DCBLD2: variants seen among roughly 807,000 people sequenced by gnomAD.
DCBLD2 encodes the protein discoidin, CUB and LCCL domain containing 2.
Under a neutral mutation model 86.8 loss-of-function variants are expected in DCBLD2, and 54 were observed. That is an observed-to-expected ratio of 0.62 (90% CI 0.50 to 0.78). DCBLD2 has a LOEUF of 0.78. DCBLD2 is among the 30% of genes least tolerant of loss of function. DCBLD2 has a pLI of 0.00. For missense variants in DCBLD2, 908 were observed against 954.2 expected (o/e 0.95, Z 0.64); for synonymous variants, 354 against 341.3 (o/e 1.04, Z -0.41).
chr3:98,835,550 C>T (rs1340284722), intron 3 of DCBLD2, among the ~76,000 whole-genome samples: 9 of 149,778 alleles, frequency 6.0e-5, no homozygotes, highest in Non-Finnish European at 1.2e-4. Context: ...ATTTTTTTTT[C>T]TTCTTTTTTT....
intron 3 of DCBLD2, among the ~76,000 whole-genome samples, chr3:98,844,976 T>C (rs1164765912): frequency 6.6e-6 from 1 of 152,210 alleles, no homozygotes; most frequent in East Asian, 1.9e-4. Flanking sequence ...AAGGAAGTAT[T>C]TAGTGGCTGC....
chr3:98,813,784 T>C (rs1049313843), intron 9 of DCBLD2: 2 of 152,172 alleles, frequency 1.3e-5, no homozygotes, highest in Admixed American at 6.5e-5. Flanking sequence ...CAAATAATGA[T>C]AGTATCTTAC....
intron 3 of DCBLD2, among the ~76,000 whole-genome samples, chr3:98,831,655 T>C (rs1942325330): frequency 6.6e-6 from 1 of 152,266 alleles, no homozygotes; most frequent in African/African-American, 2.4e-5. Flanking sequence ...GTTGTATCTT[T>C]GTTCTCATTT....
chr3:98,867,465 T>G (rs2454684), intron 2 of DCBLD2, among the ~76,000 whole-genome samples: 2 of 152,088 alleles, frequency 1.3e-5, no homozygotes, highest in South Asian at 4.1e-4. Context: ...ATATGTACAA[T>G]TTTCATGTCA....
intron 2 of DCBLD2, among the ~76,000 whole-genome samples, chr3:98,880,446 A>T (rs1366379609): frequency 1.3e-5 from 2 of 152,228 alleles, no homozygotes. Context: ...CTTGCTTAAG[A>T]AAGGTACTGA....
chr3:98,817,509 G>A (rs1942043971), intron 9 of DCBLD2, among the ~76,000 whole-genome samples: 1 of 152,068 alleles, frequency 6.6e-6, no homozygotes, highest in Admixed American at 6.6e-5. Flanking sequence ...TCTTAATAAA[G>A]TGTCTAAACA....
intron 2 of DCBLD2, among the ~76,000 whole-genome samples, chr3:98,863,535 A>G (rs1350250817): frequency 1.3e-5 from 2 of 152,242 alleles, no homozygotes; most frequent in Non-Finnish European, 2.9e-5. Context: ...ATGGAACAGA[A>G]CAGAGCCCTC....
intron 2 of DCBLD2, among the ~76,000 whole-genome samples, chr3:98,862,660 A>G (rs1374746232): frequency 6.6e-6 from 1 of 152,224 alleles, no homozygotes; most frequent in African/African-American, 2.4e-5. Context: ...GGGTTTGACA[A>G]AATTCAACAG....
chr3:98,849,412 T>C (rs1942790217), intron 3 of DCBLD2, 49 bp downstream of exon 3: 2 of 1,611,098 alleles, frequency 1.2e-6, no homozygotes, highest in South Asian at 2.2e-5. Context: ...TTTATTTTTG[T>C]TGTTAGAAAT....
chr3:98,901,236 G>C lies in DCBLD2; in HGVS notation c.91C>G (p.Pro31Ala). ...AAAAPAWAAL[P>A]LSRSLPPCSN... is the part of the protein sequence containing the mutation. ...CAGGGAGGGAGGGAGCGGGAGAGGG[G>C]GAGCGCGGCCCAGGCGGGGGCGGCG... The change falls in exon 1 of 16, where the codon CCC becomes GCC. Residue 31 changes from proline (P) to alanine (A), a missense_variant. Physicochemically the swap from Pro to Ala is conservative, Grantham distance 27 (BLOSUM62 -1). Around this residue, in one of 3 missense-constraint regions of DCBLD2, gnomAD observed 294 missense variants for 256.0 expected, o/e 1.15. Coordinates refer to ENST00000326840, the MANE Select transcript of DCBLD2 (RefSeq NM_080927.4). 1 of 1,534,882 alleles carries C rather than the reference G, an allele frequency of 6.5e-7. No individual in the cohort carries two copies. Among genetic ancestry groups the C allele is most frequent in the Non-Finnish European group, 8.7e-7 (1 of 1,146,566 alleles).
In DCBLD2 at chr3:98,901,294, G is replaced by A. The variant is rs1356936280; in HGVS notation, c.33C>T (p.Arg11=). 19 of 1,517,284 alleles carry A rather than the reference G, an allele frequency of 1.3e-5. No homozygotes were observed. Among genetic ancestry groups the A allele is most frequent in the South Asian group, 1.1e-4 (9 of 81,630 alleles). The allele number at this position is 1,517,284 out of a possible 1,614,324, so 94.0% of individuals were successfully genotyped here. ...CCCGGACTTGGGGACACTGCGGGCA[G>A]CGCCTGGCTCTCACCACCGCCCGGC... MASRAVVRAR[R]CPQCPQVRAA... The change falls in exon 1 of 16, where the codon CGC becomes CGT. Residue 11 remains arginine (R), a synonymous_variant. Transcript: ENST00000326840.
At chr3:98,873,914 G>C (rs1199407158) in intron 2 of DCBLD2, among the ~76,000 whole-genome samples, 1 of 152,050 alleles carries the variant, frequency 6.6e-6, no homozygotes, top group Admixed American at 6.6e-5. Context: ...ATAACTATTG[G>C]AAAAACACTG....
chr3:98,832,164 T>C (rs1270203589), intron 3 of DCBLD2, among the ~76,000 whole-genome samples: 7 of 152,368 alleles, frequency 4.6e-5, no homozygotes, highest in Non-Finnish European at 7.3e-5. Context: ...TTAGGTATTC[T>C]TGTTGAACTG....
intron 2 of DCBLD2, among the ~76,000 whole-genome samples, chr3:98,858,802 A>G (rs1319827723): frequency 6.6e-6 from 1 of 152,230 alleles, no homozygotes; most frequent in Admixed American, 6.5e-5. Flanking sequence ...GCCAACAGAT[A>G]TATGAAAAAA....
intron 2 of DCBLD2, among the ~76,000 whole-genome samples, chr3:98,858,980 G>T (rs2439217): frequency 0.43 from 65,155 of 152,036 alleles, 14,138 homozygotes; most frequent in Non-Finnish European, 0.45. Context: ...CCTAGCCAAG[G>T]GAAGGGGTGA....
At chr3:98,849,336 T>C in intron 3 of DCBLD2, 125 bp downstream of exon 3, 1 of 1,170,290 alleles carries the variant, frequency 8.5e-7, no homozygotes, top group Non-Finnish European at 1.2e-6. Flanking sequence ...TTTATATATG[T>C]GCTATTAATT....
chr3:98,859,167 G>A (rs1258420219), intron 2 of DCBLD2, among the ~76,000 whole-genome samples: 2 of 152,206 alleles, frequency 1.3e-5, no homozygotes, highest in Non-Finnish European at 2.9e-5. Context: ...AAGGCAGCAG[G>A]AGGCTGGGGG....
intron 1 of DCBLD2, among the ~76,000 whole-genome samples, chr3:98,884,050 T>C (rs969018675): frequency 6.6e-6 from 1 of 152,124 alleles, no homozygotes; most frequent in Non-Finnish European, 1.5e-5. Context: ...CTAACTTTAA[T>C]GATGGAACAA....
At chr3:98,858,434 A>G (rs949478130) in intron 2 of DCBLD2, among the ~76,000 whole-genome samples, 16 of 152,262 alleles carry the variant, frequency 1.1e-4, no homozygotes, top group Non-Finnish European at 1.9e-4. Flanking sequence ...CAGGCAGAGG[A>G]GGTGCCGAGA....
Sources: gnomAD v4.1 joint callset for allele counts (sites outside exome capture counted in the v4.1 genomes callset) on GRCh38, gnomAD v4.1.1 for gene constraint, gnomAD v4.1.1 regional missense constraint, MANE v1.5 for transcripts, NCBI Gene and HGNC (gene_info 2026-07-23, HGNC 2026-07-21) for gene names.